SLC2A3: variants seen among roughly 807,000 people sequenced by gnomAD.
SLC2A3 encodes the protein solute carrier family 2, facilitated glucose transporter member 3.
In SLC2A3, 21 loss-of-function variants were observed where a neutral mutation model predicts 46.4. The ratio of observed to expected loss-of-function variants is 0.45; its 90% CI spans 0.32 to 0.65. The LOEUF (loss-of-function observed/expected upper bound fraction) is 0.65, where lower values mean the gene tolerates loss of function less well. Ranked by LOEUF, SLC2A3 falls within the 30% of genes least tolerant of loss-of-function variation. The pLI, the probability that SLC2A3 is intolerant of heterozygous loss-of-function variation, is 0.04. For synonymous variants in SLC2A3, 213 were observed against 239.4 expected, an observed-to-expected ratio of 0.89 and a Z score of 1.02; for missense variants, 499 against 623.3, an observed-to-expected ratio of 0.80 and a Z score of 2.12.
At chr12:7,923,094 C>T in intron 8 of SLC2A3, 70 bp from the exon 9 acceptor site, 5 of 1,391,226 alleles carry the variant, frequency 3.6e-6, no homozygotes, top group South Asian at 2.8e-5. Context: ...TTCCCAGAAG[C>T]AATTAACGGC....
At chr12:7,931,092 G>T (rs947020713) in intron 4 of SLC2A3, among the ~76,000 whole-genome samples, 153 bp downstream of exon 4, 1 of 152,076 alleles carries the variant, frequency 6.6e-6, no homozygotes, top group Non-Finnish European at 1.5e-5. Context: ...CACAGCGCCC[G>T]GCCTCAGCCT....
chr12:7,928,721 C>A (rs889161190), intron 6 of SLC2A3, among the ~76,000 whole-genome samples: 6 of 152,032 alleles, frequency 3.9e-5, no homozygotes, highest in African/African-American at 1.4e-4. Context: ...ACATTTTTCT[C>A]CAGTAATACG....
intron 3 of SLC2A3, 80 bp from the exon 4 acceptor site, chr12:7,931,565 CTTCTCCAGGCTCATATCATCCCTTTTTTT>C (rs1458509446): frequency 6.4e-7 from 1 of 1,551,910 alleles, no homozygotes; most frequent in Non-Finnish European, 8.7e-7. Context: ...TTATTCTGTT[CTTCTCCAGGCTCATATCATCCCTTTTTTT>C]TTTAATCTAA....
chr12:7,930,773 CCTTTCTCTA>C (rs1396866432), intron 4 of SLC2A3, 131 bp from the exon 5 acceptor site: 1 of 907,172 alleles, frequency 1.1e-6, no homozygotes, highest in Non-Finnish European at 1.6e-6. Flanking sequence ...TGTTTCTTTT[CCTTTCTCTA>C]CTCAGCATGG....
chr12:7,923,174 A>G, intron 8 of SLC2A3, 150 bp from the exon 9 acceptor site: 1 of 812,720 alleles, frequency 1.2e-6, no homozygotes, highest in East Asian at 2.7e-5. Context: ...ATTTATTTTT[A>G]TTTTTATTTT....
In SLC2A3 at chr12:7,932,969, C is replaced by A. The variant is rs1273850313; in HGVS notation, c.269+18G>T. 2 of 1,613,358 alleles carry A rather than the reference C, an allele frequency of 1.2e-6. No individual in the cohort carries two copies. The highest frequency in any genetic ancestry group is 1.3e-5 in the African/African-American group (1 of 74,880). On this transcript the variant is annotated intron_variant, in intron 3 of 9. Transcript: ENST00000075120. ...TGGCTGGTAGAGCCCACTTCCTTGC[C>A]CAGTTTCTAGTCAATACCTGCCAAA...
chr12:7,930,909 G>A (rs769767158), intron 4 of SLC2A3, among the ~76,000 whole-genome samples: 7 of 141,676 alleles, frequency 4.9e-5, no homozygotes, highest in East Asian at 2.3e-4. Context: ...CCATTCTCCC[G>A]CCTCAGCCTC....
intron 9 of SLC2A3, among the ~76,000 whole-genome samples, chr12:7,922,389 T>C (rs1946046462): frequency 6.6e-6 from 1 of 152,064 alleles, no homozygotes; most frequent in Admixed American, 6.6e-5. Context: ...ATGAATTATT[T>C]ATTTCTGCAA....
intron 3 of SLC2A3, among the ~76,000 whole-genome samples, chr12:7,932,375 G>T (rs370451985): frequency 8.6e-5 from 13 of 152,006 alleles, no homozygotes; most frequent in African/African-American, 3.1e-4. Flanking sequence ...ACAGGGTTTT[G>T]CCATGTTGGC....
intron 6 of SLC2A3, among the ~76,000 whole-genome samples, chr12:7,926,278 A>G (rs1364862465): frequency 1.3e-5 from 2 of 152,008 alleles, no homozygotes; most frequent in African/African-American, 4.8e-5. Context: ...TTAAGTAGAG[A>G]TGGGTTTTCA....
In SLC2A3 at chr12:7,920,450, C is replaced by T. The variant is rs764218799; in HGVS notation, c.*963G>A. The stretch of plus-strand genomic sequence containing the variant: ...CTGGACTCCATCCAAAATTAGAACC[C>T]ATCAACCATCATTAACTACAATGCC... On this transcript the variant is annotated 3_prime_UTR_variant, in exon 10 of 10. Transcript: ENST00000075120. The T allele has an allele frequency of 6.6e-6, 1 of 152,064 alleles. No homozygotes were observed. The highest frequency in any genetic ancestry group is 2.4e-5 in the African/African-American group (1 of 41,390). The allele number at this position is 152,064 out of a possible 1,614,324, so 9.4% of individuals were successfully genotyped here.
At chr12:7,933,923 G>C in intron 1 of SLC2A3, 21 bp from the exon 2 acceptor site, 1 of 1,603,994 alleles carries the variant, frequency 6.2e-7, no homozygotes, top group Non-Finnish European at 8.5e-7. Context: ...GGAAGACAGA[G>C]GAGAGAATAG....
In SLC2A3 at chr12:7,933,843, G is replaced by A. The variant is rs191138500; in HGVS notation, c.75C>T (p.Gly25=). ...TVATIGSFQF[G]YNTGVINAPE... ...GAGCATTGATGACCCCAGTGTTGTA[G>A]CCAAATTGGAAAGAGCCGATTGTAG... The change falls in exon 2 of 10, where the codon GGC becomes GGT. Residue 25 remains glycine (G), a synonymous_variant. Transcript: ENST00000075120. The A allele has an allele frequency of 6.2e-7, 1 of 1,614,070 alleles. No homozygotes were observed.
At chr12:7,927,393 T>A (rs746197802) in intron 6 of SLC2A3, among the ~76,000 whole-genome samples, 1 of 152,222 alleles carries the variant, frequency 6.6e-6, no homozygotes, top group South Asian at 2.1e-4. Context: ...AAAAACCTAA[T>A]GTACATGTAC....
At chr12:7,923,245 T>C (rs1946057605) in intron 8 of SLC2A3, 1 of 490,396 alleles carries the variant, frequency 2.0e-6, no homozygotes, top group Non-Finnish European at 3.6e-6. Flanking sequence ...AATAGCTCAC[T>C]GCATCATCGA....
intron 5 of SLC2A3, 118 bp from the exon 6 acceptor site, chr12:7,929,989 C>CTT (rs375573140): frequency 3.0e-4 from 367 of 1,224,188 alleles, no homozygotes; most frequent in Middle Eastern, 1.1e-3. Context: ...GCATCCATTC[C>CTT]TTTTTTTTTT....
chr12:7,921,673 T>A (rs1287923198), intron 9 of SLC2A3, 42 bp from the exon 10 acceptor site: 2 of 1,581,968 alleles, frequency 1.3e-6, no homozygotes, highest in South Asian at 2.3e-5. Flanking sequence ...TATAAAAATC[T>A]GGTCATTGAC....
At chr12:7,935,180 G>A (rs1237078357) in intron 1 of SLC2A3, among the ~76,000 whole-genome samples, 3 of 152,140 alleles carry the variant, frequency 2.0e-5, no homozygotes, top group Non-Finnish European at 4.4e-5. Flanking sequence ...CTTGCTGCGC[G>A]CAGTGGCTCA....
chr12:7,933,262 T>A (rs749805787), intron 2 of SLC2A3, 115 bp from the exon 3 acceptor site: 1 of 1,131,156 alleles, frequency 8.8e-7, no homozygotes, highest in Middle Eastern at 2.0e-4. Flanking sequence ...TAGACAGGAA[T>A]GGAAGGGGCA....
Sources: gnomAD v4.1 joint callset for allele counts (sites outside exome capture counted in the v4.1 genomes callset) on GRCh38, gnomAD v4.1.1 for gene constraint, MANE v1.5 for transcripts, NCBI Gene and HGNC (gene_info 2026-07-23, HGNC 2026-07-21) for gene names.